Variants in VPS9D1 observed in about 807,000 individuals in gnomAD.
VPS9D1 encodes the protein VPS9 domain containing 1, also known as VPS9 domain-containing protein 1.
VPS9D1 carries 78 observed loss-of-function variants against 75.8 expected under a neutral mutation model. That is an observed-to-expected ratio of 1.03 (90% CI 0.86 to 1.24). The LOEUF (loss-of-function observed/expected upper bound fraction) is 1.24, where lower values mean the gene tolerates loss of function less well. Ranked by LOEUF, VPS9D1 falls within the 50% of genes most tolerant of loss-of-function variation. The pLI is 0.00. For synonymous variants in VPS9D1, 481 were observed against 385.6 expected (o/e 1.25, Z -2.90); for missense variants, 1,057 against 847.7 (o/e 1.25, Z -3.07).
In VPS9D1 at chr16:89,707,952, T is replaced by G; in HGVS notation, c.1805A>C (p.Tyr602Ser). Residue 602 changes from tyrosine (Y) to serine (S), a missense_variant and splice_region_variant, in exon 15 of 15, where the codon TAC becomes TCC. Transcript: ENST00000389386. ...GCAGTAGCCCTCCTCTCCGATCAGG[T>G]ACCTGCATGGATGGCAGGGGCAGCC... ...AALEEFIHEG[Y>S]LIGEEGYCLT... The G allele has an allele frequency of 6.2e-7, 1 of 1,612,880 alleles. No homozygotes were observed. The highest frequency in any genetic ancestry group is 8.5e-7 in the Non-Finnish European group (1 of 1,179,896).
chr16:89,711,473 A>T, intron 8 of VPS9D1, 61 bp from the exon 9 acceptor site: 1 of 1,482,752 alleles, frequency 6.7e-7, no homozygotes, highest in Non-Finnish European at 9.1e-7. Context: ...GACGCGCCTC[A>T]TCTCCCACCA....
chr16:89,713,678 C>T (rs537938586), intron 4 of VPS9D1, among the ~76,000 whole-genome samples: 2 of 152,076 alleles, frequency 1.3e-5, no homozygotes, highest in Admixed American at 6.6e-5. Context: ...TGTATGACTT[C>T]GAATGTGGCC....
chr16:89,716,141 C>T (rs938543873), intron 4 of VPS9D1, among the ~76,000 whole-genome samples: 7 of 151,926 alleles, frequency 4.6e-5, no homozygotes, highest in Non-Finnish European at 7.4e-5. Flanking sequence ...CCGAGGCAGG[C>T]GCATCACGAG....
chr16:89,719,431 G>C (rs1469956560), intron 1 of VPS9D1: 1 of 480,340 alleles, frequency 2.1e-6, no homozygotes, highest in Non-Finnish European at 4.1e-6. Context: ...AGTGGGCCTG[G>C]GGAAGTGACC....
chr16:89,712,921 C>T (rs891765011), intron 4 of VPS9D1: 1 of 482,708 alleles, frequency 2.1e-6, no homozygotes, highest in Non-Finnish European at 3.6e-6. Context: ...CAGTGGCTCC[C>T]GCCTCTAATG....
Position 89,720,324 on chromosome 16 carries a change from A to T in VPS9D1, c.99+439T>A, listed in dbSNP as rs1019712620. The T allele has an allele frequency of 1.9e-5, 16 of 842,554 alleles. 1 individual carries two copies. In the South Asian group the frequency reaches 7.6e-4, roughly 40 times the overall value. 52.2% of individuals were successfully genotyped at this position (842,554 alleles called of 1,614,324 possible). A position where few individuals can be genotyped will look rare whatever the true frequency, so the allele number is the denominator to read the frequency against. On this transcript the variant is annotated intron_variant, in intron 1 of 14. Coordinates refer to ENST00000389386, the MANE Select transcript of VPS9D1 (RefSeq NM_004913.3). ...CCCTCCGGCCTGCTTTTCCTTCCTA[A>T]GACGACTGCAAACAGCATCACAAAT...
intron 1 of VPS9D1, 149 bp from the exon 2 acceptor site, chr16:89,719,251 T>C (rs950319014): frequency 1.3e-6 from 1 of 769,096 alleles, no homozygotes. Flanking sequence ...CTGCGGTGGT[T>C]AGCTGCAGCC....
intron 4 of VPS9D1, 125 bp downstream of exon 4, chr16:89,716,337 G>T: frequency 7.0e-7 from 1 of 1,430,016 alleles, no homozygotes; most frequent in Non-Finnish European, 9.6e-7. Context: ...CTGCACTCCA[G>T]CCTGGGTGAC....
chr16:89,713,546 G>GC (rs2060991125), intron 4 of VPS9D1, among the ~76,000 whole-genome samples: 1 of 151,882 alleles, frequency 6.6e-6, no homozygotes, highest in African/African-American at 2.4e-5. Context: ...GAGCTACCGC[G>GC]CCCGGCCGGA....
At chr16:89,711,794 G>GC (rs56199420) in intron 8 of VPS9D1, 88 bp downstream of exon 8, 369,586 of 1,427,518 alleles carry the variant, frequency 0.26, 51,620 homozygotes, top group East Asian at 0.54. Flanking sequence ...CTCTGGCTCC[G>GC]CCCCCCACGG....
Position 89,708,678 on chromosome 16 carries a change from G to C in VPS9D1, c.1698-147C>G, listed in dbSNP as rs943163273. 13 of 1,119,886 alleles carry C rather than the reference G, an allele frequency of 1.2e-5. No homozygotes were observed. The African/African-American group carries it at 1.6e-4, about 13-fold the overall frequency. The allele number at this position is 1,119,886 out of a possible 1,614,324, so 69.4% of individuals were successfully genotyped here. The stretch of plus-strand genomic sequence containing the variant: ...ACCGGAAGGCAGCTGGGCATGGTGA[G>C]GCTGTCCCTAAAGGGAGCTCCCGTA... On this transcript the variant is annotated intron_variant, in intron 13 of 14. Coordinates refer to ENST00000389386, the MANE Select transcript of VPS9D1 (RefSeq NM_004913.3).
intron 2 of VPS9D1, chr16:89,717,034 C>A: frequency 2.9e-6 from 1 of 347,108 alleles, no homozygotes; most frequent in Non-Finnish European, 4.9e-6. Flanking sequence ...AGCCCACTGC[C>A]CCTCCCGTCC....
At position 89,710,773 on chromosome 16, in the gene VPS9D1, G is replaced by A. The variant is rs775752779; in HGVS notation, c.1071C>T (p.Pro357=). The A allele has an allele frequency of 1.9e-6, 3 of 1,556,036 alleles. No homozygotes were observed. The highest frequency in any genetic ancestry group is 8.7e-7 in the Non-Finnish European group (1 of 1,150,022). ...GGGGTGAGGGAGACCCCACGGGGCC[G>A]GGTTGGAGTGGGGGCGTGGGGGGAC... is the stretch of plus-strand genomic sequence containing the variant. ...QDSPPTPPLQ[P]GPVGSPSPLG... Residue 357 remains proline, a synonymous_variant, in exon 10 of 15, where the codon CCC becomes CCT. Coordinates refer to ENST00000389386, the MANE Select transcript of VPS9D1 (RefSeq NM_004913.3).
rs545251890 is a variant in VPS9D1, at chr16:89,709,387, G to A, written c.1437C>T (p.Leu479=). ...REAALSRSME[L]YRNAPPTAIG... ...TGGCGGTGGGGGGTGCATTCCTGTA[G>A]AGCTCCATGCTCCTGCTCAGGGCAG... Residue 479 remains leucine, a synonymous_variant, in exon 12 of 15, where the codon CTC becomes CTT. Coordinates refer to ENST00000389386, the MANE Select transcript of VPS9D1 (RefSeq NM_004913.3). 6.4e-7 allele frequency: 1 copy of A among 1,552,648 alleles called. No individual in the cohort carries two copies. Among genetic ancestry groups the A allele is most frequent in the Non-Finnish European group, 8.7e-7 (1 of 1,154,598 alleles).
chr16:89,715,314 C>T (rs1284480391), intron 4 of VPS9D1, among the ~76,000 whole-genome samples: 1 of 151,090 alleles, frequency 6.6e-6, no homozygotes, highest in Non-Finnish European at 1.5e-5. Flanking sequence ...GCAACCTCTG[C>T]CTCCTGGGTT....
At chr16:89,717,279 G>T (rs116265483) in intron 2 of VPS9D1, 1 of 320,426 alleles carries the variant, frequency 3.1e-6, no homozygotes, top group Non-Finnish European at 6.1e-6. Flanking sequence ...CCCTCATCGA[G>T]GCCCGTCACA....
Position 89,712,735 on chromosome 16 carries a change from G to A in VPS9D1, c.432-19C>T, listed in dbSNP as rs1187999617. On this transcript the variant is annotated intron_variant, in intron 4 of 14. Coordinates refer to ENST00000389386, the MANE Select transcript of VPS9D1 (RefSeq NM_004913.3). ...CAGCTCTCTGGAAATGTGACAAGCT[G>A]CTGTCTAGACCCCAGGAAGCCCAGT... is the stretch of plus-strand genomic sequence containing the variant. 7 of 1,524,770 alleles carry A rather than the reference G, an allele frequency of 4.6e-6. No homozygotes were observed. Among genetic ancestry groups the A allele is most frequent in the Admixed American group, 1.9e-5 (1 of 51,290 alleles). 94.5% of individuals were successfully genotyped at this position (1,524,770 alleles called of 1,614,324 possible). A position where few individuals can be genotyped will look rare whatever the true frequency, so the allele number is the denominator to read the frequency against.
intron 8 of VPS9D1, 66 bp downstream of exon 8, chr16:89,711,816 G>C (rs7206836): frequency 0.99 from 1,503,749 of 1,511,488 alleles, 748,279 homozygotes; most frequent in East Asian, 1. Context: ...GGCCCACCCA[G>C]GCGGCTCTGA....
rs532748926 is a variant in VPS9D1, at chr16:89,709,306, G to C, written c.1518C>G (p.Gly506=). 1 of 1,607,266 alleles carries C rather than the reference G, an allele frequency of 6.2e-7. No individual in the cohort carries two copies. The highest frequency in any genetic ancestry group is 1.3e-5 in the African/African-American group (1 of 74,934). Residue 506 remains glycine, a synonymous_variant, in exon 12 of 15, where the codon GGC becomes GGG. Coordinates refer to ENST00000389386, the MANE Select transcript of VPS9D1 (RefSeq NM_004913.3). ...PQNPEAKGAT[G]YPYCAAAQEL... ...CCTGGGCCGCCGCGCAGTAGGGGTA[G>C]CCAGTGGCCCCCTTGGCCTCAGGGT...
Sources: allele counts gnomAD v4.1 joint callset (sites outside exome capture counted in the v4.1 genomes callset), GRCh38; gene constraint gnomAD v4.1.1; transcripts MANE v1.5; gene names NCBI Gene and HGNC (gene_info 2026-07-23, HGNC 2026-07-21).